HDAC8: variants seen among roughly 807,000 people sequenced by gnomAD.
The protein encoded by HDAC8 is histone deacetylase 8, also known as histone deacetylase-like 1.
Under a neutral mutation model 32.2 loss-of-function variants are expected in HDAC8, and 1 was observed. The ratio of observed to expected loss-of-function variants is 0.03; its 90% CI spans 0.01 to 0.15. The LOEUF is 0.15. Among genes scored for constraint, HDAC8 ranks in the 10% least tolerant of loss-of-function variants. HDAC8 has a pLI of 1.00. For missense variants in HDAC8, 117 were observed against 300.0 expected, an observed-to-expected ratio of 0.39 and a Z score of 4.51; for synonymous variants, 108 against 113.9, an observed-to-expected ratio of 0.95 and a Z score of 0.33.
chrX:72,349,304 T>A (rs1478182331), intron 10 of HDAC8, among the ~76,000 whole-genome samples: 2 of 112,327 alleles, frequency 1.8e-5, no homozygotes, highest in African/African-American at 6.5e-5. Flanking sequence ...TCCAGGAACA[T>A]GCTCCTATTT....
intron 10 of HDAC8, among the ~76,000 whole-genome samples, chrX:72,334,851 CAAG>C (rs1464361195): frequency 9.0e-6 from 1 of 111,693 alleles, no homozygotes; most frequent in Non-Finnish European, 1.9e-5. Flanking sequence ...CTCTGATGTA[CAAG>C]AAGGAGTACT....
chrX:72,439,347 C>T (rs2047048464), intron 9 of HDAC8, among the ~76,000 whole-genome samples: 1 of 111,370 alleles, frequency 9.0e-6, no homozygotes, highest in Non-Finnish European at 1.9e-5. Context: ...CAGTACCAGC[C>T]ACTGCAAAAA....
intron 10 of HDAC8, among the ~76,000 whole-genome samples, chrX:72,336,578 T>A (rs1243081076): frequency 8.1e-5 from 9 of 110,925 alleles, no homozygotes; most frequent in African/African-American, 2.9e-4. Flanking sequence ...TTTATTTTTT[T>A]AAAATATTTT....
intron 4 of HDAC8, among the ~76,000 whole-genome samples, chrX:72,542,160 T>C (rs1477831054): frequency 8.9e-6 from 1 of 112,432 alleles, no homozygotes; most frequent in Non-Finnish European, 1.9e-5. Flanking sequence ...CTGTCATTAA[T>C]TTTGTTCATA....
At chrX:72,504,185 A>C (rs1353767104) in intron 4 of HDAC8, among the ~76,000 whole-genome samples, 1 of 112,005 alleles carries the variant, frequency 8.9e-6, no homozygotes, top group Non-Finnish European at 1.9e-5. Context: ...AACTTACATA[A>C]CATAAAATTA....
At chrX:72,565,511 C>T (rs1366189432) in intron 4 of HDAC8, among the ~76,000 whole-genome samples, 2 of 112,008 alleles carry the variant, frequency 1.8e-5, no homozygotes, top group Non-Finnish European at 3.8e-5. Context: ...GTGGGTATCC[C>T]CATGTCTGTG....
intron 9 of HDAC8, among the ~76,000 whole-genome samples, chrX:72,431,515 C>T (rs12007867): frequency 0.083 from 9,231 of 110,781 alleles, 1,004 homozygotes; most frequent in East Asian, 0.74. Flanking sequence ...CATTCTTGTA[C>T]ATCCTTCTTT....
rs781927987 is a variant in HDAC8 at position 72,570,690 on chromosome X, T to A, written c.164+1367A>T. Among the ~76,000 whole-genome samples the A allele has an allele frequency of 4.5e-5, 5 of 110,879 alleles. No individual in the cohort carries two copies. The Admixed American group carries it at 4.8e-4, about 11-fold the overall frequency. ...ATAATAAGGATAAAATCTGAAAGCC[T>A]ATTATTACACTACCTTCTGGGAGAT... is the stretch of plus-strand genomic sequence containing the variant. On this transcript the variant is annotated intron_variant, in intron 2 of 10. Coordinates refer to ENST00000373573, the MANE Select transcript of HDAC8 (RefSeq NM_018486.3).
chrX:72,388,973 G>T (rs782754532), intron 9 of HDAC8, among the ~76,000 whole-genome samples: 4 of 112,037 alleles, frequency 3.6e-5, no homozygotes, highest in Non-Finnish European at 5.6e-5. Flanking sequence ...CAAGTTTATG[G>T]TATTTTGTTA....
chrX:72,477,089 C>T (rs902509403), intron 7 of HDAC8, among the ~76,000 whole-genome samples: 3 of 111,823 alleles, frequency 2.7e-5, no homozygotes, highest in Non-Finnish European at 5.6e-5. Context: ...AAATTGAAAC[C>T]GACTTCTCTG....
intron 10 of HDAC8, chrX:72,330,978 G>A (rs1305321906): frequency 4.9e-5 from 4 of 82,421 alleles, no homozygotes; most frequent in African/African-American, 1.8e-4. Context: ...TTGAGATGGA[G>A]TTTTGCTCTT....
At chrX:72,457,776 A>G (rs782254222) in intron 9 of HDAC8, among the ~76,000 whole-genome samples, 9 of 112,036 alleles carry the variant, frequency 8.0e-5, no homozygotes, top group Non-Finnish European at 1.3e-4. Flanking sequence ...GCACAAATCA[A>G]TCTATAGATT....
intron 4 of HDAC8, among the ~76,000 whole-genome samples, chrX:72,503,018 T>C (rs2049276568): frequency 8.9e-6 from 1 of 112,508 alleles, no homozygotes; most frequent in Non-Finnish European, 1.9e-5. Context: ...TACACCTCTT[T>C]GTCAGTTGCT....
intron 9 of HDAC8, among the ~76,000 whole-genome samples, chrX:72,405,162 G>A (rs1555968460): frequency 9.0e-6 from 1 of 111,083 alleles, no homozygotes; most frequent in Non-Finnish European, 1.9e-5. Flanking sequence ...CCCAGTGTGT[G>A]TTGTTTCTCT....
intron 9 of HDAC8, among the ~76,000 whole-genome samples, chrX:72,373,992 C>T (rs1278360781): frequency 8.9e-6 from 1 of 111,902 alleles, no homozygotes; most frequent in East Asian, 2.8e-4. Flanking sequence ...AGTTGTATAT[C>T]TTCTTTGGAG....
At position 72,330,085 on chromosome X, in the gene HDAC8, AG is replaced by A. The variant is rs1245822509; in HGVS notation, c.1112-10del. The A allele has an allele frequency of 1.7e-6, 2 of 1,200,567 alleles. No homozygotes were observed. Among genetic ancestry groups the A allele is most frequent in the Admixed American group, 2.2e-5 (1 of 45,687 alleles). ...CACATGCTTCAGATTCCCTGCAAAC[AG>A]GGGAGAAAACAAAATTCAAAGTCAG... On this transcript the variant is annotated splice_polypyrimidine_tract_variant and intron_variant, in intron 10 of 10. Coordinates refer to ENST00000373573, the MANE Select transcript of HDAC8 (RefSeq NM_018486.3).
intron 9 of HDAC8, among the ~76,000 whole-genome samples, chrX:72,436,750 A>G (rs1297051929): frequency 9.0e-6 from 1 of 111,510 alleles, no homozygotes; most frequent in East Asian, 2.8e-4. Context: ...AAAAACTATA[A>G]GACTGATGTG....
chrX:72,363,184 C>T (rs546974615), intron 9 of HDAC8, among the ~76,000 whole-genome samples: 23 of 112,041 alleles, frequency 2.1e-4, no homozygotes, highest in South Asian at 1.1e-3. Flanking sequence ...CAAATTTCCA[C>T]GATTAGAGAC....
chrX:72,459,488 C>A (rs1173049314), intron 9 of HDAC8, among the ~76,000 whole-genome samples: 9 of 110,592 alleles, frequency 8.1e-5, no homozygotes, highest in African/African-American at 3.0e-4. Flanking sequence ...GTGAGGTCAG[C>A]CCGGCTGCAA....
Sources: allele counts gnomAD v4.1 joint callset (sites outside exome capture counted in the v4.1 genomes callset), GRCh38; gene constraint gnomAD v4.1.1; transcripts MANE v1.5; gene names NCBI Gene and HGNC (gene_info 2026-07-23, HGNC 2026-07-21).